RALGAPB: variants seen among roughly 807,000 people sequenced by gnomAD.
The protein encoded by RALGAPB is Ral GTPase activating protein non-catalytic subunit beta, also known as ral GTPase-activating protein subunit beta.
RALGAPB carries 25 observed loss-of-function variants against 161.1 expected under a neutral mutation model. The ratio of observed to expected loss-of-function variants is 0.16; its 90% confidence interval spans 0.11 to 0.22. The LOEUF (loss-of-function observed/expected upper bound fraction) is 0.22, where lower values mean the gene tolerates loss of function less well. Ranked by LOEUF, RALGAPB falls within the 10% of genes least tolerant of loss-of-function variation. RALGAPB has a pLI of 1.00. For synonymous variants in RALGAPB, 629 were observed against 626.1 expected (o/e 1.00, Z -0.07); for missense variants, 1,391 against 1,815.2 (o/e 0.77, Z 4.25).
chr20:38,510,126 G>A (rs977630268), intron 6 of RALGAPB, among the ~76,000 whole-genome samples: 22 of 112,748 alleles, frequency 2.0e-4, no homozygotes, highest in Non-Finnish European at 3.5e-4. Context: ...ACACACACAC[G>A]CACATACACA....
intron 29 of RALGAPB, among the ~76,000 whole-genome samples, 177 bp downstream of exon 29, chr20:38,574,475 C>T (rs988931288): frequency 1.3e-5 from 2 of 152,020 alleles, no homozygotes; most frequent in African/African-American, 4.8e-5. Context: ...TGTCCTTAAT[C>T]TAGTAAGTGT....
intron 13 of RALGAPB, among the ~76,000 whole-genome samples, chr20:38,529,162 C>G (rs986215200): frequency 1.3e-5 from 2 of 152,158 alleles, no homozygotes; most frequent in African/African-American, 4.8e-5. Flanking sequence ...AGAAACCTTA[C>G]CCATACCAGT....
intron 6 of RALGAPB, 41 bp from the exon 7 acceptor site, chr20:38,516,151 A>G (rs1736110220): frequency 1.4e-6 from 2 of 1,454,736 alleles, no homozygotes; most frequent in African/African-American, 2.8e-5. Flanking sequence ...TGCTATAGAA[A>G]TTTCTAAATT....
At chr20:38,546,565 A>G (rs149831579) in intron 19 of RALGAPB, 135 bp downstream of exon 19, 384 of 1,233,890 alleles carry the variant, frequency 3.1e-4, no homozygotes, top group Non-Finnish European at 4.1e-4. Context: ...GTGGGACAAT[A>G]GCACCTGAAA....
chr20:38,565,156 A>G (rs985950841), intron 24 of RALGAPB, among the ~76,000 whole-genome samples: 1 of 152,178 alleles, frequency 6.6e-6, no homozygotes, highest in African/African-American at 2.4e-5. Context: ...TCGTTTCAGA[A>G]ATTATGAAAT....
chr20:38,532,625 C>T (rs1175274917), intron 14 of RALGAPB, 105 bp from the exon 15 acceptor site: 1 of 1,361,114 alleles, frequency 7.3e-7, no homozygotes, highest in East Asian at 2.3e-5. Context: ...TTGTACTATT[C>T]AGTTGGCACA....
chr20:38,502,984 G>A (rs559846948), intron 5 of RALGAPB, among the ~76,000 whole-genome samples: 1 of 152,202 alleles, frequency 6.6e-6, no homozygotes, highest in East Asian at 1.9e-4. Flanking sequence ...ACACCTCCTG[G>A]GCGCAAGCTG....
intron 26 of RALGAPB, chr20:38,569,660 C>CTT: frequency 4.3e-6 from 2 of 461,842 alleles, no homozygotes; most frequent in Admixed American, 3.3e-5. Flanking sequence ...GTATTCCTTC[C>CTT]TTTTTTTTTC....
intron 26 of RALGAPB, chr20:38,568,896 C>T (rs1201517786): frequency 6.6e-6 from 1 of 152,098 alleles, no homozygotes; most frequent in Non-Finnish European, 1.5e-5. Context: ...TCCAAGTAGA[C>T]CTGACCTAAT....
At chr20:38,473,849 A>T (rs1447486064) in intron 1 of RALGAPB, among the ~76,000 whole-genome samples, 2 of 152,036 alleles carry the variant, frequency 1.3e-5, no homozygotes, top group Non-Finnish European at 2.9e-5. Flanking sequence ...TTTTTTTTTT[A>T]AAGATGCCCA....
chr20:38,489,303 C>G (rs895652559), intron 2 of RALGAPB, among the ~76,000 whole-genome samples: 6 of 152,144 alleles, frequency 3.9e-5, no homozygotes, highest in African/African-American at 1.4e-4. Context: ...CAGTGAGTCC[C>G]CAGTAGCTGG....
chr20:38,569,842 G>A (rs2088162156), intron 26 of RALGAPB, 46 bp from the exon 27 acceptor site: 3 of 1,476,370 alleles, frequency 2.0e-6, no homozygotes, highest in Non-Finnish European at 2.8e-6. Context: ...CCAGTTTTTT[G>A]TTGCTGTTGT....
At chr20:38,553,135 A>G (rs1031645201) in intron 21 of RALGAPB, among the ~76,000 whole-genome samples, 1 of 152,050 alleles carries the variant, frequency 6.6e-6, no homozygotes, top group Non-Finnish European at 1.5e-5. Context: ...GGAATTTCAG[A>G]CTTACAGCCC....
In RALGAPB at chr20:38,539,778, A is replaced by G. The variant is rs775898540; in HGVS notation, c.2382A>G (p.Val794=). ...ALELLSGLAK[V]KVMVDSGDRK... is the part of the protein sequence containing the mutation. ...GTTCTCCAAATGAATATGCTCAGGT[A>G]AAAGTGATGGTTGACTCAGGAGACC... Residue 794 remains valine (V), a splice_region_variant and synonymous_variant, in exon 17 of 30, where the codon GTA becomes GTG. Coordinates refer to ENST00000262879, the MANE Select transcript of RALGAPB (RefSeq NM_020336.4). 1.7e-5 allele frequency: 27 copies of G among 1,612,564 alleles called. No individual in the cohort carries two copies. Among genetic ancestry groups the G allele is most frequent in the Non-Finnish European group, 2.3e-5 (27 of 1,178,996 alleles).
intron 9 of RALGAPB, among the ~76,000 whole-genome samples, chr20:38,518,607 G>GT (rs751015768): frequency 2.6e-4 from 40 of 151,834 alleles, no homozygotes; most frequent in Admixed American, 1.6e-3. Context: ...AGAGCTGGTG[G>GT]TTTTTTTTGT....
chr20:38,487,667 C>T (rs528191051), intron 1 of RALGAPB, among the ~76,000 whole-genome samples: 1 of 152,196 alleles, frequency 6.6e-6, no homozygotes, highest in Non-Finnish European at 1.5e-5. Context: ...GATGAATATA[C>T]AAGTTAAGTG....
At position 38,574,310 on chromosome 20, in the gene RALGAPB, A is replaced by G; in HGVS notation, c.4291+12A>G. ...CAGGCGAGCTCTTGGTAAGGTCTTCATATGTGGCCGAAGAGTTAAATTTTC... is the reference window on the plus strand; with the variant it reads ...CAGGCGAGCTCTTGGTAAGGTCTTCGTATGTGGCCGAAGAGTTAAATTTTC... On this transcript the variant is annotated intron_variant, in intron 29 of 29. Coordinates refer to ENST00000262879, the MANE Select transcript of RALGAPB (RefSeq NM_020336.4). The G allele has an allele frequency of 6.3e-7, 1 of 1,583,568 alleles. No homozygotes were observed. The highest frequency in any genetic ancestry group is 8.5e-7 in the Non-Finnish European group (1 of 1,170,426).
intron 3 of RALGAPB, among the ~76,000 whole-genome samples, chr20:38,496,356 C>T (rs1353476495): frequency 6.6e-6 from 1 of 152,112 alleles, no homozygotes; most frequent in African/African-American, 2.4e-5. Context: ...TCTGGAATTT[C>T]TTGAGGAAAC....
chr20:38,524,820 T>C lies in RALGAPB; in HGVS notation c.1662T>C (p.Tyr554=). ...LLIQGLQIND[Y]VCHPVLASVI... ...TTCAAGGTTTGCAGATAAATGATTA[T>C]GTGTGCCATCCTGTCTTGGCCAGCG... Residue 554 remains tyrosine (Y), a synonymous_variant, in exon 11 of 30, where the codon TAT becomes TAC. Transcript: ENST00000262879. 6.2e-7 allele frequency: 1 copy of C among 1,610,164 alleles called. No homozygotes were observed.
Sources: allele counts gnomAD v4.1 joint callset (sites outside exome capture counted in the v4.1 genomes callset), GRCh38; gene constraint gnomAD v4.1.1; transcripts MANE v1.5; gene names NCBI Gene and HGNC (gene_info 2026-07-23, HGNC 2026-07-21).